The following TRAM1 variants were observed in gnomAD, a reference collection of about 807,000 sequenced individuals.
The protein encoded by TRAM1 is translocation associated membrane protein 1, also known as translocating chain-associated membrane protein 1.
TRAM1 carries 17 observed loss-of-function variants against 48.7 expected under a neutral mutation model. The observed-to-expected ratio is 0.35, with a 90% CI of 0.24 to 0.52. The LOEUF (loss-of-function observed/expected upper bound fraction) is 0.52, where lower values mean the gene tolerates loss of function less well. TRAM1 is among the 20% of genes least tolerant of loss of function. The probability of loss-of-function intolerance (pLI) is 0.94; values close to 1 mark genes in which losing one functional copy is unlikely to be tolerated. For missense variants in TRAM1, 351 were observed against 441.5 expected, an observed-to-expected ratio of 0.79 and a Z score of 1.84; for synonymous variants, 182 against 154.0, an observed-to-expected ratio of 1.18 and a Z score of -1.34.
chr8:70,578,053 G>A (rs1361285502), intron 10 of TRAM1, among the ~76,000 whole-genome samples: 1 of 152,200 alleles, frequency 6.6e-6, no homozygotes, highest in Non-Finnish European at 1.5e-5. Flanking sequence ...CTTGACAGGT[G>A]TAGGATCTGG....
Position 70,583,643 on chromosome 8 carries a change from A to T in TRAM1, c.890+7T>A. The T allele has an allele frequency of 6.2e-7, 1 of 1,605,964 alleles. No homozygotes were observed. Among genetic ancestry groups the T allele is most frequent in the East Asian group, 2.2e-5 (1 of 44,750 alleles). ...ATAAAGTGAAAAAAATGTTAAATTG[A>T]TCGTACCTAACAGCTAACACATTGA... is the stretch of plus-strand genomic sequence containing the variant. On this transcript the variant is annotated splice_region_variant and intron_variant, in intron 9 of 10. Transcript: ENST00000262213.
intron 10 of TRAM1, among the ~76,000 whole-genome samples, chr8:70,576,069 T>TAAAA (rs1391722559): frequency 3.0e-3 from 122 of 40,086 alleles, no homozygotes; most frequent in African/African-American, 0.01. Flanking sequence ...AGACTCCATC[T>TAAAA]AAAAAAAAAA....
chr8:70,600,080 T>A lies in TRAM1; in HGVS notation c.126A>T (p.Ile42=), dbSNP rs147810118. ...CAAAAATGATAGAAGCTTTTGCCGT[T>A]ATCTACAAAGAAGGAAAAACAAAGA... The part of the protein sequence containing the change: ...MVFLLGLMFE[I]TAKASIIFVT... Residue 42 remains isoleucine (I), a splice_region_variant and synonymous_variant, in exon 2 of 11, where the codon ATA becomes ATT. Transcript: ENST00000262213. The A allele has an allele frequency of 2.7e-4, 439 of 1,613,326 alleles. 1 individual carries two copies. Among genetic ancestry groups the A allele is most frequent in the Non-Finnish European group, 1.4e-4 (162 of 1,179,454 alleles).
At chr8:70,594,478 T>C (rs1219004978) in intron 6 of TRAM1, 28 bp downstream of exon 6, 2 of 1,563,550 alleles carry the variant, frequency 1.3e-6, no homozygotes, top group Non-Finnish European at 1.7e-6. Flanking sequence ...GACAAGACAT[T>C]TTTTAACACT....
At position 70,608,368 on chromosome 8, in the gene TRAM1, C is replaced by G; in HGVS notation, c.-169G>C. ...GCCAGTACGCAGCCGCCGGGCCGCC[C>G]GGGGGAAAAAAAAAAACACAACAGC... On this transcript the variant is annotated 5_prime_UTR_variant, in exon 1 of 11. Transcript: ENST00000262213. 3.9e-6 allele frequency: 2 copies of G among 513,358 alleles called. No homozygotes were observed. Among genetic ancestry groups the G allele is most frequent in the Non-Finnish European group, 5.2e-6 (2 of 385,252 alleles). 31.8% of individuals were successfully genotyped at this position (513,358 alleles called of 1,614,324 possible).
intron 10 of TRAM1, among the ~76,000 whole-genome samples, chr8:70,576,059 A>G (rs1348823880): frequency 2.2e-5 from 3 of 138,986 alleles, no homozygotes; most frequent in Non-Finnish European, 4.7e-5. Flanking sequence ...CAACAGAGCT[A>G]GACTCCATCT....
At chr8:70,606,926 A>AAC (rs2132050809) in intron 1 of TRAM1, 1 of 984,448 alleles carries the variant, frequency 1.0e-6, no homozygotes, top group East Asian at 1.1e-4. Context: ...AAGGATTCTT[A>AAC]ACGTCGCTCA....
intron 6 of TRAM1, among the ~76,000 whole-genome samples, chr8:70,589,807 T>G (rs1173841264): frequency 6.6e-6 from 1 of 152,120 alleles, no homozygotes; most frequent in South Asian, 2.1e-4. Context: ...TTGTGGCCAC[T>G]GCACTCCAGC....
At chr8:70,600,138 A>C (rs1254496671) in intron 1 of TRAM1, 56 bp from the exon 2 acceptor site, 3 of 1,412,340 alleles carry the variant, frequency 2.1e-6, no homozygotes, top group Non-Finnish European at 3.0e-6. Context: ...CCCAAATAAC[A>C]GATCGGGGCA....
At chr8:70,607,969 G>A (rs1405117844) in intron 1 of TRAM1, 108 bp downstream of exon 1, 2 of 1,374,368 alleles carry the variant, frequency 1.5e-6, no homozygotes, top group South Asian at 1.5e-5. Flanking sequence ...CACCCACCCC[G>A]GGCCCGAGCC....
At chr8:70,606,939 T>C (rs1817732956) in intron 1 of TRAM1, 1 of 819,716 alleles carries the variant, frequency 1.2e-6, no homozygotes, top group Non-Finnish European at 1.5e-6. Flanking sequence ...GTCGCTCATC[T>C]TTTTTTAAGC....
Position 70,599,467 on chromosome 8 carries a change from T to C in TRAM1, c.187+552A>G, listed in dbSNP as rs559251895. On this transcript the variant is annotated intron_variant, in intron 2 of 10. Coordinates refer to ENST00000262213, the MANE Select transcript of TRAM1 (RefSeq NM_014294.6). ...TTCCAAGAAACACCTAATTTTTACATAGATTAAGAAATAAGATTTTTGAAA... is the reference window on the plus strand; with the variant it reads ...TTCCAAGAAACACCTAATTTTTACACAGATTAAGAAATAAGATTTTTGAAA... Among the ~76,000 whole-genome samples, 44 of 152,184 alleles carry C rather than the reference T, an allele frequency of 2.9e-4. 1 individual carries two copies. Among genetic ancestry groups the C allele is most frequent in the African/African-American group, 9.2e-4 (38 of 41,458 alleles).
At chr8:70,583,601 A>G (rs1817131620) in intron 9 of TRAM1, 49 bp downstream of exon 9, 2 of 1,576,484 alleles carry the variant, frequency 1.3e-6, no homozygotes, top group African/African-American at 1.4e-5. Context: ...AACTGATAAT[A>G]TATATTATCT....
At position 70,608,238 on chromosome 8, in the gene TRAM1, G is replaced by A. The variant is rs1817796757; in HGVS notation, c.-39C>T. ...CCCGCGCCTGCAGGTGCTCCGCCCC[G>A]GTTCTGCTCTTCCCAGCTGCTCACC... On this transcript the variant is annotated 5_prime_UTR_variant, in exon 1 of 11. Transcript: ENST00000262213. 1.3e-6 allele frequency: 2 copies of A among 1,560,266 alleles called. No individual in the cohort carries two copies. Among genetic ancestry groups the A allele is most frequent in the Non-Finnish European group, 1.7e-6 (2 of 1,158,322 alleles).
At chr8:70,607,293 C>G in intron 1 of TRAM1, 1 of 985,396 alleles carries the variant, frequency 1.0e-6, no homozygotes, top group Non-Finnish European at 1.2e-6. Context: ...CCCATCCTCT[C>G]CTACTTCAAG....
intron 8 of TRAM1, 76 bp from the exon 9 acceptor site, chr8:70,583,869 T>C: frequency 6.8e-7 from 1 of 1,475,492 alleles, no homozygotes; most frequent in Non-Finnish European, 9.0e-7. Flanking sequence ...ATTCCTAAGT[T>C]GGGCGTGGTG....
rs187288008 is a variant in TRAM1 at position 70,591,010 on chromosome 8, A to T, written c.570+3496T>A. On this transcript the variant is annotated intron_variant, in intron 6 of 10. Transcript: ENST00000262213. ...GGGATAACAACAACAATAATAATAA[A>T]AAAAAAAAAGAGATGAGTAGAATAC... Among the ~76,000 whole-genome samples the T allele has an allele frequency of 3.9e-3, 600 of 152,046 alleles. 1 individual carries two copies. Among genetic ancestry groups the T allele is most frequent in the Middle Eastern group, 0.01 (3 of 294 alleles).
chr8:70,599,312 C>G (rs1817556384), intron 2 of TRAM1, among the ~76,000 whole-genome samples: 1 of 152,132 alleles, frequency 6.6e-6, no homozygotes, highest in Non-Finnish European at 1.5e-5. Context: ...AAAACCCCAA[C>G]TAAATGTGGT....
intron 10 of TRAM1, among the ~76,000 whole-genome samples, chr8:70,581,441 A>G (rs1441271479): frequency 6.6e-6 from 1 of 152,228 alleles, no homozygotes; most frequent in Non-Finnish European, 1.5e-5. Flanking sequence ...TGAAAAGGGT[A>G]TCAAGACAGT....
Sources: gnomAD v4.1 joint callset for allele counts (sites outside exome capture counted in the v4.1 genomes callset) on GRCh38, gnomAD v4.1.1 for gene constraint, MANE v1.5 for transcripts, NCBI Gene and HGNC (gene_info 2026-07-23, HGNC 2026-07-21) for gene names.